ZNF35: variants seen among roughly 807,000 people sequenced by gnomAD.
ZNF35 encodes the protein zinc finger protein 35.
Under a neutral mutation model 45.9 loss-of-function variants are expected in ZNF35, and 31 were observed. The ratio of observed to expected loss-of-function variants is 0.68; its 90% CI spans 0.51 to 0.91. The LOEUF (loss-of-function observed/expected upper bound fraction) is 0.91. ZNF35 is among the 40% of genes least tolerant of loss of function. The probability of loss-of-function intolerance (pLI) is 0.00; values close to 1 mark genes in which losing one functional copy is unlikely to be tolerated. For missense variants in ZNF35, 515 were observed against 625.4 expected (o/e 0.82, Z 1.88); for synonymous variants, 205 against 220.2 (o/e 0.93, Z 0.61).
chr3:44,654,294 A>G (rs1033371349), intron 3 of ZNF35, among the ~76,000 whole-genome samples: 3 of 152,316 alleles, frequency 2.0e-5, no homozygotes, highest in South Asian at 4.1e-4. Context: ...TGGCGATGTC[A>G]GCAGGCGATG....
At chr3:44,655,522 G>T (rs1322265531) in intron 3 of ZNF35, among the ~76,000 whole-genome samples, 2 of 151,752 alleles carry the variant, frequency 1.3e-5, no homozygotes, top group Non-Finnish European at 2.9e-5. Flanking sequence ...CATTATTTCT[G>T]TACTTAATTT....
At chr3:44,656,484 G>C (rs1344855206) in intron 3 of ZNF35, among the ~76,000 whole-genome samples, 2 of 150,816 alleles carry the variant, frequency 1.3e-5, no homozygotes, top group African/African-American at 2.4e-5. Flanking sequence ...TCTGCCTCCT[G>C]GGTTCAATTG....
rs1445464978 is a variant in ZNF35, at chr3:44,659,907, C to G, written c.1544C>G (p.Ser515Ter). 1.9e-6 allele frequency: 3 copies of G among 1,590,974 alleles called. No homozygotes were observed. Among genetic ancestry groups the G allele is most frequent in the African/African-American group, 2.7e-5 (2 of 74,108 alleles). The change falls in exon 4 of 4, where the codon TCA becomes TGA. Residue 515 changes from serine to a stop codon, truncating the protein, a stop_gained. Coordinates refer to ENST00000396056, the MANE Select transcript of ZNF35 (RefSeq NM_003420.4). LOFTEE classifies it high-confidence loss of function. The surrounding 1 kb of genome is among the most constrained non-coding windows in gnomAD (Gnocchi z 4.3). ...TGTGGTGCAGCTTTCATTTCCAACTCACACCTCATGCGACACCATAGAACC... is the reference window on the plus strand; with the variant it reads ...TGTGGTGCAGCTTTCATTTCCAACTGACACCTCATGCGACACCATAGAACC... ...EKCGAAFISN[S>*]HLMRHHRTHL... is the part of the protein sequence containing the mutation.
Position 44,652,552 on chromosome 3 carries a change from T to C in ZNF35, c.193-5T>C, listed in dbSNP as rs773239191. On this transcript the variant is annotated splice_region_variant and splice_polypyrimidine_tract_variant and intron_variant, in intron 2 of 3. Transcript: ENST00000396056. The stretch of plus-strand genomic sequence containing the variant: ...CCTCTTAAACATGTGCCTGCTTGTC[T>C]CTAGGGTCAGAACATATCCTGGGAT... The C allele has an allele frequency of 2.7e-5, 43 of 1,576,186 alleles. No homozygotes were observed. The highest frequency in any genetic ancestry group is 1.7e-6 in the Non-Finnish European group (2 of 1,162,562).
At position 44,655,921 on chromosome 3, in the gene ZNF35, G is replaced by C. The variant is rs1269101104; in HGVS notation, c.338-2780G>C. 2.0e-5 allele frequency among the ~76,000 whole-genome samples: 3 copies of C among 152,212 alleles called. No homozygotes were observed. The East Asian group carries it at 5.8e-4, about 29-fold the overall frequency. ...GTAAGGAGGGTAGGAGTGAAAGTCA[G>C]GGAGACAGTGCAGCTATGAACTAAA... On this transcript the variant is annotated intron_variant, in intron 3 of 3. Transcript: ENST00000396056.
upstream of ZNF35, chr3:44,648,301 G>A (rs889502687): frequency 3.9e-5 from 6 of 152,130 alleles, no homozygotes; most frequent in African/African-American, 9.7e-5. Context: ...GAAGTGTTCT[G>A]ATGTTTACAA....
At chr3:44,657,644 A>G (rs1177710737) in intron 3 of ZNF35, among the ~76,000 whole-genome samples, 1 of 152,102 alleles carries the variant, frequency 6.6e-6, no homozygotes, top group Non-Finnish European at 1.5e-5. Flanking sequence ...TTCTCATGAT[A>G]TTTTCTGGCA....
intron 2 of ZNF35, among the ~76,000 whole-genome samples, 170 bp downstream of exon 2, chr3:44,651,429 C>T (rs1703200156): frequency 6.6e-6 from 1 of 152,128 alleles, no homozygotes; most frequent in South Asian, 2.1e-4. Flanking sequence ...ATTGATGTGA[C>T]ATTCAGTACT....
In ZNF35 at chr3:44,651,020, C is replaced by G. The variant is rs1184846681; in HGVS notation, c.-48C>G. ...ATAAAGCTTGGATGGGGTTTGACCT[C>G]TGCAGGGCAGCGCCCAGCTATAGGA... is the stretch of plus-strand genomic sequence containing the variant. On this transcript the variant is annotated 5_prime_UTR_variant, in exon 2 of 4. Transcript: ENST00000396056. 6.3e-7 allele frequency: 1 copy of G among 1,578,524 alleles called. No homozygotes were observed. Among genetic ancestry groups the G allele is most frequent in the Non-Finnish European group, 8.6e-7 (1 of 1,161,400 alleles).
chr3:44,650,068 T>A lies in ZNF35; in HGVS notation c.-127-873T>A, dbSNP rs550228055. Among the ~76,000 whole-genome samples the A allele has an allele frequency of 1.1e-3, 164 of 150,112 alleles. 1 individual carries two copies. Among genetic ancestry groups the A allele is most frequent in the African/African-American group, 3.9e-3 (161 of 41,042 alleles). On this transcript the variant is annotated intron_variant, in intron 1 of 3. Coordinates refer to ENST00000396056, the MANE Select transcript of ZNF35 (RefSeq NM_003420.4). Reference sequence around the variant, plus strand: ...ACTCCCATCTAAACTGATAAGTACTTTGTGTGTGTGTGTGTGTGTGTGTGT... The same window carrying A: ...ACTCCCATCTAAACTGATAAGTACTATGTGTGTGTGTGTGTGTGTGTGTGT...
intron 1 of ZNF35, among the ~76,000 whole-genome samples, chr3:44,649,273 A>G (rs1271430283): frequency 1.3e-5 from 2 of 152,232 alleles, no homozygotes; most frequent in Non-Finnish European, 2.9e-5. Context: ...AAGGACCTTC[A>G]TACCAGATTG....
chr3:44,656,888 G>A (rs1703319171), intron 3 of ZNF35, among the ~76,000 whole-genome samples: 1 of 151,722 alleles, frequency 6.6e-6, no homozygotes, highest in African/African-American at 2.4e-5. Flanking sequence ...GTAGAGACGG[G>A]GTTTCACCAT....
chr3:44,656,379 G>A (rs1703302452), intron 3 of ZNF35, among the ~76,000 whole-genome samples: 1 of 149,606 alleles, frequency 6.7e-6, no homozygotes, highest in African/African-American at 2.5e-5. Flanking sequence ...ACCAGAAAAA[G>A]TTTAGCATTT....
At chr3:44,650,447 T>TA (rs1217717231) in intron 1 of ZNF35, among the ~76,000 whole-genome samples, 1 of 152,198 alleles carries the variant, frequency 6.6e-6, no homozygotes, top group Non-Finnish European at 1.5e-5. Flanking sequence ...TCCTTGGCAA[T>TA]AAAAAATCTT....
At position 44,658,976 on chromosome 3, in the gene ZNF35, C is replaced by T. The variant is rs1360905491; in HGVS notation, c.613C>T (p.Leu205Phe). ...TAAGAAATCTGGAGGAAAATATAGC[C>T]TTAATTCTGGCGCTGTTAAAAATCC... is the stretch of plus-strand genomic sequence containing the variant. Reference protein sequence around the residue: ...KCKKSGGKYSLNSGAVKNPKT... With the variant: ...KCKKSGGKYSFNSGAVKNPKT... The change falls in exon 4 of 4, where the codon CTT becomes TTT. Residue 205 changes from leucine to phenylalanine, a missense_variant. By Grantham distance (22) the Leu-to-Phe change is conservative. Around this residue, in one of 3 missense-constraint regions of ZNF35, gnomAD observed 275 missense variants for 295.7 expected, o/e 0.93. Transcript: ENST00000396056. 1.2e-6 allele frequency: 2 copies of T among 1,614,218 alleles called. No homozygotes were observed. Among genetic ancestry groups the T allele is most frequent in the Non-Finnish European group, 8.5e-7 (1 of 1,180,036 alleles).
chr3:44,658,440 G>A (rs901603662), intron 3 of ZNF35, among the ~76,000 whole-genome samples: 6 of 152,228 alleles, frequency 3.9e-5, no homozygotes, highest in African/African-American at 1.4e-4. Flanking sequence ...GCAGCGGGCA[G>A]CGGGGTTAAG....
chr3:44,659,137 C>T lies in ZNF35; in HGVS notation c.774C>T (p.Ala258=), dbSNP rs1703359142. 6.2e-7 allele frequency: 1 copy of T among 1,613,916 alleles called. No individual in the cohort carries two copies. The highest frequency in any genetic ancestry group is 1.1e-5 in the South Asian group (1 of 91,076). The part of the protein sequence containing the change: ...KPFECHECGK[A]FIQSANLVVH... The stretch of plus-strand genomic sequence containing the variant: ...TTGAATGTCATGAGTGTGGGAAGGC[C>T]TTCATTCAGAGTGCAAACCTCGTTG... The change falls in exon 4 of 4, where the codon GCC becomes GCT. Residue 258 remains alanine, a synonymous_variant. Coordinates refer to ENST00000396056, the MANE Select transcript of ZNF35 (RefSeq NM_003420.4). The surrounding 1 kb of genome is among the most constrained non-coding windows in gnomAD (Gnocchi z 4.3).
intron 3 of ZNF35, among the ~76,000 whole-genome samples, chr3:44,656,833 G>A (rs572546632): frequency 6.7e-6 from 1 of 149,946 alleles, no homozygotes; most frequent in South Asian, 2.1e-4. Flanking sequence ...AAGTAGCTGG[G>A]ACTACAGGCA....
At chr3:44,654,305 G>A (rs1703256772) in intron 3 of ZNF35, among the ~76,000 whole-genome samples, 1 of 152,192 alleles carries the variant, frequency 6.6e-6, no homozygotes, top group Non-Finnish European at 1.5e-5. Flanking sequence ...GCAGGCGATG[G>A]TGGGAACACT....
Sources: gnomAD v4.1 joint callset for allele counts (sites outside exome capture counted in the v4.1 genomes callset) on GRCh38, gnomAD v4.1.1 for gene constraint, gnomAD v4.1.1 regional missense constraint, Gnocchi (gnomAD v3.1) non-coding constraint, MANE v1.5 for transcripts, NCBI Gene and HGNC (gene_info 2026-07-23, HGNC 2026-07-21) for gene names.